Variants in OPRM1 observed in about 807,000 individuals in gnomAD.
OPRM1 encodes the protein opioid receptor mu 1, also known as mu-type opioid receptor.
In OPRM1, 27 loss-of-function variants were observed where a neutral mutation model predicts 31.8. The ratio of observed to expected loss-of-function variants is 0.85; its 90% CI spans 0.63 to 1.17. The LOEUF (loss-of-function observed/expected upper bound fraction) is 1.17, where lower values mean the gene tolerates loss of function less well. Among genes scored for constraint, OPRM1 ranks in the 50% most tolerant of loss-of-function variants. OPRM1 has a pLI of 0.00. For synonymous variants in OPRM1, 196 were observed against 189.9 expected, an observed-to-expected ratio of 1.03 and a Z score of -0.26; for missense variants, 536 against 511.1, an observed-to-expected ratio of 1.05 and a Z score of -0.47.
intron 1 of OPRM1, among the ~76,000 whole-genome samples, chr6:154,072,667 C>T (rs1407880247): frequency 6.6e-6 from 1 of 152,162 alleles, no homozygotes; most frequent in African/African-American, 2.4e-5. Flanking sequence ...AAAATTCTTA[C>T]TAAACAATGT....
At chr6:154,046,832 AAAAATCT>A (rs1323445136) in intron 1 of OPRM1, 3 of 152,218 alleles carry the variant, frequency 2.0e-5, no homozygotes, top group Non-Finnish European at 4.4e-5. Flanking sequence ...ATTGGACTAA[AAAAATCT>A]TAAACGCTTT....
intron 3 of OPRM1, among the ~76,000 whole-genome samples, chr6:154,150,287 T>C (rs1798464970): frequency 6.6e-6 from 1 of 152,230 alleles, no homozygotes; most frequent in African/African-American, 2.4e-5. Flanking sequence ...ACCTCTCCCT[T>C]GTCTTGCTTG....
At chr6:154,190,852 C>T (rs1431500968) in intron 3 of OPRM1, among the ~76,000 whole-genome samples, 3 of 152,082 alleles carry the variant, frequency 2.0e-5, no homozygotes, top group Non-Finnish European at 2.9e-5. Flanking sequence ...TCCAGGAGAT[C>T]GAGACCATCC....
chr6:154,021,856 G>T (rs535417191), intron 1 of OPRM1, among the ~76,000 whole-genome samples: 4,069 of 150,996 alleles, frequency 0.027, 166 homozygotes, highest in African/African-American at 0.095. Flanking sequence ...TCTTTTTTTT[G>T]GTCAACTCTT....
At chr6:154,184,567 A>C (rs1231786057) in intron 3 of OPRM1, among the ~76,000 whole-genome samples, 1 of 152,162 alleles carries the variant, frequency 6.6e-6, no homozygotes, top group Non-Finnish European at 1.5e-5. Flanking sequence ...GCATTGGTAC[A>C]TAGAAAAAAT....
intron 3 of OPRM1, among the ~76,000 whole-genome samples, chr6:154,094,822 T>C (rs1303619484): frequency 6.6e-6 from 1 of 152,194 alleles, no homozygotes; most frequent in East Asian, 1.9e-4. Context: ...CTCTTGCTGA[T>C]AGGATCTGCA....
chr6:154,063,901 A>G (rs989082865), intron 1 of OPRM1, among the ~76,000 whole-genome samples: 2 of 152,102 alleles, frequency 1.3e-5, no homozygotes, highest in African/African-American at 2.4e-5. Flanking sequence ...TTATTCATCT[A>G]TTGAGTGGTT....
downstream of OPRM1, among the ~76,000 whole-genome samples, chr6:154,136,605 T>C (rs1798067022): frequency 1.3e-5 from 2 of 152,150 alleles, no homozygotes. Flanking sequence ...CTCCGCTTGG[T>C]TCCTGGGCCC....
downstream of OPRM1, among the ~76,000 whole-genome samples, chr6:154,134,840 G>T (rs538253653): frequency 2.0e-5 from 3 of 151,980 alleles, no homozygotes; most frequent in East Asian, 5.8e-4. Context: ...TGAGTCCAAA[G>T]AAAACCACTA....
chr6:154,134,883 C>G (rs1206224222), downstream of OPRM1, among the ~76,000 whole-genome samples: 1 of 151,884 alleles, frequency 6.6e-6, no homozygotes, highest in East Asian at 1.9e-4. Flanking sequence ...AGTAGTTAAC[C>G]CAGTTGTCAA....
intron 3 of OPRM1, among the ~76,000 whole-genome samples, chr6:154,173,756 T>G (rs1274482022): frequency 6.6e-6 from 1 of 152,198 alleles, no homozygotes; most frequent in Non-Finnish European, 1.5e-5. Flanking sequence ...CTTCAGGATA[T>G]TATCCAGGAG....
chr6:154,198,434 T>C (rs550054676), intron 3 of OPRM1, among the ~76,000 whole-genome samples: 1 of 152,168 alleles, frequency 6.6e-6, no homozygotes, highest in Non-Finnish European at 1.5e-5. Context: ...TGCCAGACTT[T>C]ATTTACTCCA....
chr6:154,039,299 G>A lies in OPRM1; in HGVS notation c.-246G>A, dbSNP rs1385084164. 1.2e-5 allele frequency: 19 copies of A among 1,551,010 alleles called. No individual in the cohort carries two copies. The highest frequency in any genetic ancestry group is 1.7e-4 in the Middle Eastern group (1 of 6,014). ...CCACGCTCCCCTCCTGCAGCGGTGC[G>A]GGGCAGGTGATGAGCCTCTGTGAAC... On this transcript the variant is annotated 5_prime_UTR_variant, in exon 1 of 4. Coordinates refer to ENST00000330432, the MANE Select transcript of OPRM1 (RefSeq NM_000914.5).
intron 3 of OPRM1, among the ~76,000 whole-genome samples, chr6:154,182,977 CT>C (rs66951776): frequency 0.068 from 10,045 of 148,690 alleles, 399 homozygotes; most frequent in African/African-American, 0.1. Flanking sequence ...ATGCCCTTAT[CT>C]TTTTTTTTTC....
At chr6:154,061,356 C>T (rs548815583) in intron 1 of OPRM1, among the ~76,000 whole-genome samples, 1 of 152,268 alleles carries the variant, frequency 6.6e-6, no homozygotes, top group South Asian at 2.1e-4. Flanking sequence ...ATCTAACACA[C>T]CATTTAGAAA....
chr6:154,097,732 G>A (rs1322063319), intron 3 of OPRM1, among the ~76,000 whole-genome samples: 2 of 152,104 alleles, frequency 1.3e-5, no homozygotes, highest in Non-Finnish European at 2.9e-5. Flanking sequence ...TGTGATATGT[G>A]AGAGAAAATG....
At chr6:154,221,275 T>C (rs1778842273) in intron 3 of OPRM1, 3 of 1,613,988 alleles carry the variant, frequency 1.9e-6, no homozygotes, top group Non-Finnish European at 2.5e-6. Context: ...TTCCTGCACA[T>C]TCTCAGCTGC....
In OPRM1 at chr6:154,128,645, G is replaced by A. The variant is rs1386856769; in HGVS notation, c.*9924G>A. 6.6e-6 allele frequency among the ~76,000 whole-genome samples: 1 copy of A among 152,136 alleles called. No individual in the cohort carries two copies. The highest frequency in any genetic ancestry group is 1.5e-5 in the Non-Finnish European group (1 of 68,018). ...TTACTGTTTTATCATTGATCCTGAA[G>A]ACAGTTGAAGCAATCATACTGGTTG... On this transcript the variant is annotated 3_prime_UTR_variant, in exon 4 of 4. Coordinates refer to ENST00000330432, the MANE Select transcript of OPRM1 (RefSeq NM_000914.5).
At chr6:154,099,607 A>G (rs1794143126) in intron 3 of OPRM1, among the ~76,000 whole-genome samples, 1 of 151,154 alleles carries the variant, frequency 6.6e-6, no homozygotes, top group East Asian at 1.9e-4. Context: ...CTGCAATAAA[A>G]TCTCTTAAAT....
Sources: allele counts gnomAD v4.1 joint callset (sites outside exome capture counted in the v4.1 genomes callset), GRCh38; gene constraint gnomAD v4.1.1; transcripts MANE v1.5; gene names NCBI Gene and HGNC (gene_info 2026-07-23, HGNC 2026-07-21).